Variants in THUMPD2 observed in about 807,000 individuals in gnomAD.
THUMPD2 encodes the protein U6 snRNA (guanine-N(2))-methyltransferase THUMPD2.
THUMPD2 carries 56 observed loss-of-function variants against 49.4 expected under a neutral mutation model. That is an observed-to-expected ratio of 1.13 (90% CI 0.91 to 1.41). THUMPD2 has a LOEUF of 1.41. THUMPD2 is among the 40% of genes most tolerant of loss of function. The pLI is 0.00. For missense variants in THUMPD2, 709 were observed against 594.5 expected (o/e 1.19, Z -2.00); for synonymous variants, 237 against 205.2 (o/e 1.15, Z -1.32).
chr2:39,736,475 A>G lies in THUMPD2; in HGVS notation c.*260T>C, dbSNP rs921246556. The G allele has an allele frequency of 9.1e-6, 3 of 331,340 alleles. No homozygotes were observed. The highest frequency in any genetic ancestry group is 1.6e-5 in the Non-Finnish European group (3 of 183,304). 20.5% of individuals were successfully genotyped at this position (331,340 alleles called of 1,614,324 possible). A position where few individuals can be genotyped will look rare whatever the true frequency, so the allele number is the denominator to read the frequency against. ...TGAAGTTTTTGCTCAGAAACTGGGC[A>G]GAACTTTTCACATTCTGACAGAAGA... is the stretch of plus-strand genomic sequence containing the variant. On this transcript the variant is annotated 3_prime_UTR_variant, in exon 10 of 10. Transcript: ENST00000505747.
chr2:39,776,818 T>C (rs761142274), intron 1 of THUMPD2, among the ~76,000 whole-genome samples: 2 of 152,218 alleles, frequency 1.3e-5, no homozygotes, highest in Admixed American at 6.5e-5. Flanking sequence ...GAGGGGAGCA[T>C]GTTTTCATGT....
chr2:39,737,386 C>G (rs753457092), intron 9 of THUMPD2, among the ~76,000 whole-genome samples: 4 of 151,986 alleles, frequency 2.6e-5, no homozygotes, highest in Non-Finnish European at 2.9e-5. Context: ...AAAGCAGTAG[C>G]CTGACAGCAG....
chr2:39,757,707 A>C (rs953762599), intron 6 of THUMPD2, among the ~76,000 whole-genome samples: 1 of 152,206 alleles, frequency 6.6e-6, no homozygotes, highest in Non-Finnish European at 1.5e-5. Context: ...CTGTATACTT[A>C]CAACAACAAT....
At chr2:39,763,686 T>A (rs995469420) in intron 5 of THUMPD2, among the ~76,000 whole-genome samples, 4 of 152,176 alleles carry the variant, frequency 2.6e-5, no homozygotes, top group African/African-American at 9.6e-5. Context: ...AAAATATAAT[T>A]TTCTTGGTAA....
intron 5 of THUMPD2, among the ~76,000 whole-genome samples, chr2:39,764,838 C>T (rs1370610781): frequency 6.6e-6 from 1 of 152,130 alleles, no homozygotes; most frequent in Non-Finnish European, 1.5e-5. Flanking sequence ...CTGTTGTAAC[C>T]TCATTTTCAA....
intron 8 of THUMPD2, among the ~76,000 whole-genome samples, chr2:39,753,499 G>A (rs534240646): frequency 8.5e-5 from 13 of 152,140 alleles, no homozygotes; most frequent in Middle Eastern, 3.4e-3. Flanking sequence ...CTCTATACTG[G>A]TGATTCTCTA....
At chr2:39,762,894 T>G (rs1049879482) in intron 5 of THUMPD2, among the ~76,000 whole-genome samples, 12 of 151,844 alleles carry the variant, frequency 7.9e-5, no homozygotes, top group African/African-American at 2.7e-4. Context: ...TCAAAAACTA[T>G]GTATATATTT....
At chr2:39,748,431 G>A (rs566073597) in intron 8 of THUMPD2, among the ~76,000 whole-genome samples, 7 of 152,198 alleles carry the variant, frequency 4.6e-5, no homozygotes, top group Non-Finnish European at 2.9e-5. Context: ...GGCCGGGTAC[G>A]GTGGTTCACG....
chr2:39,773,585 TATATATATATTTATATTTTAAAA>T (rs1156577675), intron 1 of THUMPD2, among the ~76,000 whole-genome samples: 8 of 135,758 alleles, frequency 5.9e-5, no homozygotes, highest in South Asian at 2.2e-4. Flanking sequence ...ATTTTAAAAA[TATATATATATTTATATTTTAAAA>T]ATATATATAT....
chr2:39,744,592 G>T, intron 8 of THUMPD2, 114 bp from the exon 9 acceptor site: 1 of 627,402 alleles, frequency 1.6e-6, no homozygotes, highest in Non-Finnish European at 2.6e-6. Context: ...TAACATTTAG[G>T]GTTGCTAATA....
At chr2:39,774,995 C>T (rs946994298) in intron 1 of THUMPD2, among the ~76,000 whole-genome samples, 1 of 152,284 alleles carries the variant, frequency 6.6e-6, no homozygotes, top group East Asian at 1.9e-4. Context: ...AAGTTCAAAT[C>T]TAGGCTGAAT....
At chr2:39,773,885 A>C (rs926385633) in intron 1 of THUMPD2, among the ~76,000 whole-genome samples, 1 of 152,240 alleles carries the variant, frequency 6.6e-6, no homozygotes, top group Admixed American at 6.5e-5. Context: ...TAGAATAAGC[A>C]TATTATCAGA....
At chr2:39,752,637 G>A (rs890483169) in intron 8 of THUMPD2, among the ~76,000 whole-genome samples, 11 of 152,170 alleles carry the variant, frequency 7.2e-5, no homozygotes, top group Admixed American at 6.6e-4. Context: ...CTAAGAGGTT[G>A]TGATGATGAA....
At chr2:39,754,204 A>G (rs1675802481) in intron 8 of THUMPD2, among the ~76,000 whole-genome samples, 1 of 152,208 alleles carries the variant, frequency 6.6e-6, no homozygotes, top group African/African-American at 2.4e-5. Flanking sequence ...AAGAAATAGC[A>G]TTCTTAAAGA....
chr2:39,773,613 ATATATATTTATATTTTAAAAATAT>A (rs1678662060), intron 1 of THUMPD2, among the ~76,000 whole-genome samples: 11 of 137,918 alleles, frequency 8.0e-5, no homozygotes, highest in Admixed American at 7.2e-4. Flanking sequence ...TTAAAAATAT[ATATATATTTATATTTTAAAAATAT>A]ATATATTTCC....
At chr2:39,765,977 T>C (rs1040634330) in intron 5 of THUMPD2, 80 bp downstream of exon 5, 4 of 1,127,876 alleles carry the variant, frequency 3.5e-6, no homozygotes, top group Non-Finnish European at 5.2e-6. Flanking sequence ...GAATGCTTCA[T>C]TCATGCTGTA....
At chr2:39,757,327 T>A in intron 6 of THUMPD2, 1 of 1,164,734 alleles carries the variant, frequency 8.6e-7, no homozygotes, top group Non-Finnish European at 1.2e-6. Flanking sequence ...GGAAGCAGAG[T>A]CCTCAGTGCA....
intron 2 of THUMPD2, among the ~76,000 whole-genome samples, chr2:39,770,970 A>G (rs553948397): frequency 6.6e-6 from 1 of 152,248 alleles, no homozygotes; most frequent in South Asian, 2.1e-4. Context: ...TTGTTTTAGC[A>G]GCATATTTAT....
rs140849451 is a variant in THUMPD2, at chr2:39,743,076, T to C, written c.1187+1294A>G. On this transcript the variant is annotated intron_variant, in intron 9 of 9. Coordinates refer to ENST00000505747, the MANE Select transcript of THUMPD2 (RefSeq NM_025264.5). ...TCCCAAAATGCAGTGAGATGACTTT[T>C]AGTTGAGCTTAGACTAAGTGTCAAG... 4.3e-3 allele frequency among the ~76,000 whole-genome samples: 651 copies of C among 152,330 alleles called. 2 individuals carry two copies. The highest frequency in any genetic ancestry group is 6.1e-3 in the Non-Finnish European group (415 of 68,038).
Sources: gnomAD v4.1 joint callset for allele counts (sites outside exome capture counted in the v4.1 genomes callset) on GRCh38, gnomAD v4.1.1 for gene constraint, MANE v1.5 for transcripts, NCBI Gene and HGNC (gene_info 2026-07-23, HGNC 2026-07-21) for gene names.